Variants in PCDH11X observed in about 807,000 individuals in gnomAD.
PCDH11X encodes the protein protocadherin-11 X-linked.
In PCDH11X, 18 loss-of-function variants were observed where a neutral mutation model predicts 53.3. That is an observed-to-expected ratio of 0.34 (90% confidence interval 0.23 to 0.50). The LOEUF is 0.50. Ranked by LOEUF, PCDH11X falls within the 20% of genes least tolerant of loss-of-function variation. The pLI is 0.98. For missense variants in PCDH11X, 570 were observed against 1,032.4 expected, an observed-to-expected ratio of 0.55 and a Z score of 6.14; for synonymous variants, 279 against 393.3, an observed-to-expected ratio of 0.71 and a Z score of 3.44.
At chrX:92,082,171 T>A (rs2063868295) in intron 6 of PCDH11X, among the ~76,000 whole-genome samples, 1 of 110,316 alleles carries the variant, frequency 9.1e-6, no homozygotes, top group Admixed American at 9.8e-5. Context: ...GGAGTTGGGA[T>A]GTAGAGAGAA....
chrX:91,986,446 A>G (rs1351865308), intron 6 of PCDH11X, among the ~76,000 whole-genome samples: 2 of 109,663 alleles, frequency 1.8e-5, no homozygotes, highest in South Asian at 7.9e-4. Flanking sequence ...TAAGTTTTCT[A>G]TTGCTGCTGT....
chrX:92,278,441 C>T (rs181776397), intron 8 of PCDH11X, among the ~76,000 whole-genome samples: 24 of 111,080 alleles, frequency 2.2e-4, no homozygotes, highest in Admixed American at 1.1e-3. Flanking sequence ...TGGGTGCAGG[C>T]GGGCTGAGTC....
chrX:92,496,919 G>A, intron 10 of PCDH11X, among the ~76,000 whole-genome samples: 1 of 109,425 alleles, frequency 9.1e-6, no homozygotes, highest in African/African-American at 3.4e-5. Context: ...ACTCCTCTAA[G>A]AAGACATATT....
At chrX:92,335,650 T>C (rs1482803048) in intron 8 of PCDH11X, among the ~76,000 whole-genome samples, 2 of 111,192 alleles carry the variant, frequency 1.8e-5, no homozygotes, top group Non-Finnish European at 3.8e-5. Flanking sequence ...GCCTGAGTTT[T>C]CCAAACAGTG....
rs747932383 is a variant in PCDH11X, at chrX:92,618,334, T to C, written c.3438T>C (p.Tyr1146=). The C allele has an allele frequency of 8.3e-7, 1 of 1,211,703 alleles. No homozygotes were observed. ...SDNCTQECLI[Y]GHSDACWMPA... The stretch of plus-strand genomic sequence containing the variant: ...ACTGCACTCAAGAATGTCTCATCTA[T>C]GGCCATTCTGATGCCTGCTGGATGC... The change falls in exon 11 of 11, where the codon TAT becomes TAC. Residue 1146 remains tyrosine (Y), a synonymous_variant. Coordinates refer to ENST00000682573, the MANE Select transcript of PCDH11X (RefSeq NM_032968.5).
At chrX:92,077,610 AAGGAAGGAAGGGAGGAAGGAAGGAAG>A (rs2063793573) in intron 6 of PCDH11X, among the ~76,000 whole-genome samples, 2 of 82,644 alleles carry the variant, frequency 2.4e-5, no homozygotes, top group Non-Finnish European at 4.7e-5. Context: ...TTCAAAAAAG[AAGGAAGGAAGGGAGGAAGGAAGGAAG>A]GAAGGAAGGA....
At chrX:92,218,307 A>G (rs1350540945) in intron 7 of PCDH11X, among the ~76,000 whole-genome samples, 1 of 46,686 alleles carries the variant, frequency 2.1e-5, no homozygotes, top group Non-Finnish European at 4.7e-5. Context: ...TAGCAAGACT[A>G]ATAAAGAAGA....
At chrX:92,573,994 A>G (rs896802282) in intron 10 of PCDH11X, among the ~76,000 whole-genome samples, 8 of 109,695 alleles carry the variant, frequency 7.3e-5, no homozygotes, top group Admixed American at 3.9e-4. Context: ...GAATTGTAGT[A>G]TTTACAATGC....
At chrX:92,318,482 T>G in intron 8 of PCDH11X, among the ~76,000 whole-genome samples, 1 of 111,397 alleles carries the variant, frequency 9.0e-6, no homozygotes, top group Non-Finnish European at 1.9e-5. Flanking sequence ...GACTTTTTTT[T>G]TGAAATACAG....
At chrX:92,431,799 A>T (rs2072256244) in intron 9 of PCDH11X, among the ~76,000 whole-genome samples, 1 of 108,865 alleles carries the variant, frequency 9.2e-6, no homozygotes, top group Non-Finnish European at 1.9e-5. Flanking sequence ...TTATATCTAG[A>T]AGCTCATCTT....
chrX:92,563,047 GTTTTTTTTTTTTTTTTTT>G (rs61411325), intron 10 of PCDH11X, among the ~76,000 whole-genome samples: 22 of 43,858 alleles, frequency 5.0e-4, no homozygotes, highest in Non-Finnish European at 7.2e-4. Context: ...CCTTGGTACC[GTTTTTTTTTTTTTTTTTT>G]TTTTTTTTTT....
At chrX:92,266,347 G>A (rs1008918838) in intron 8 of PCDH11X, among the ~76,000 whole-genome samples, 7 of 111,470 alleles carry the variant, frequency 6.3e-5, no homozygotes, top group Non-Finnish European at 1.1e-4. Context: ...AAAAAGTAAG[G>A]CAACACATTA....
intron 7 of PCDH11X, among the ~76,000 whole-genome samples, chrX:92,249,505 G>A (rs146980712): frequency 1.8e-5 from 2 of 112,561 alleles, no homozygotes; most frequent in African/African-American, 6.4e-5. Context: ...GAAAGCAGAT[G>A]TGCCTGTCAC....
intron 9 of PCDH11X, among the ~76,000 whole-genome samples, chrX:92,397,803 G>A (rs893913060): frequency 7.9e-4 from 87 of 110,633 alleles, no homozygotes; most frequent in South Asian, 7.6e-4. Context: ...TGTTTTCTTC[G>A]TTCAGATAAT....
At chrX:91,841,471 A>G (rs1937518616) in intron 5 of PCDH11X, among the ~76,000 whole-genome samples, 1 of 111,649 alleles carries the variant, frequency 9.0e-6, no homozygotes, top group African/African-American at 3.2e-5. Flanking sequence ...AACTAACTAT[A>G]AGAAGCACCA....
intron 6 of PCDH11X, among the ~76,000 whole-genome samples, chrX:91,916,052 A>C (rs1378888784): frequency 1.8e-5 from 2 of 110,684 alleles, no homozygotes; most frequent in Admixed American, 1.9e-4. Flanking sequence ...AAAACTATAC[A>C]AATACATGAA....
chrX:92,556,414 G>A (rs2075046809), intron 10 of PCDH11X, among the ~76,000 whole-genome samples: 2 of 111,029 alleles, frequency 1.8e-5, no homozygotes, highest in Admixed American at 1.9e-4. Context: ...ATGGAAACTG[G>A]GTAATTCTAT....
chrX:91,967,259 CA>C (rs895790752), intron 6 of PCDH11X, among the ~76,000 whole-genome samples: 3 of 110,043 alleles, frequency 2.7e-5, no homozygotes, highest in African/African-American at 9.9e-5. Context: ...TGCTGTAAGA[CA>C]GGGGTCCCCA....
intron 9 of PCDH11X, among the ~76,000 whole-genome samples, chrX:92,402,981 G>A (rs947709939): frequency 2.7e-5 from 3 of 109,896 alleles, no homozygotes; most frequent in African/African-American, 1.0e-4. Flanking sequence ...CCAAAAGTGT[G>A]TGCGTGTGTG....
Sources: gnomAD v4.1 joint callset for allele counts (sites outside exome capture counted in the v4.1 genomes callset) on GRCh38, gnomAD v4.1.1 for gene constraint, MANE v1.5 for transcripts, NCBI Gene and HGNC (gene_info 2026-07-23, HGNC 2026-07-21) for gene names.